Variants in ZNF804A observed in about 807,000 individuals in gnomAD.
The protein encoded by ZNF804A is zinc finger protein 804A.
A neutral mutation model predicts 16.5 loss-of-function variants in ZNF804A; 2 were observed. That is an observed-to-expected ratio of 0.12 (90% CI 0.05 to 0.38). The LOEUF is 0.38. Among genes scored for constraint, ZNF804A ranks in the 10% least tolerant of loss-of-function variants. ZNF804A has a pLI of 0.99. For missense variants in ZNF804A, 1,473 were observed against 1,390.7 expected, an observed-to-expected ratio of 1.06 and a Z score of -0.94; for synonymous variants, 534 against 489.6, an observed-to-expected ratio of 1.09 and a Z score of -1.20.
intron 1 of ZNF804A, among the ~76,000 whole-genome samples, chr2:184,774,032 G>A (rs1443558666): frequency 6.6e-6 from 1 of 151,802 alleles, no homozygotes; most frequent in Non-Finnish European, 1.5e-5. Flanking sequence ...TTAGTCTGCT[G>A]TCCTCCACAG....
intron 1 of ZNF804A, among the ~76,000 whole-genome samples, chr2:184,655,307 G>T (rs1692058250): frequency 6.6e-6 from 1 of 152,190 alleles, no homozygotes; most frequent in Admixed American, 6.5e-5. Flanking sequence ...TTGATAAACT[G>T]CAGAAGGTAT....
rs1231774388 is a variant in ZNF804A, at chr2:184,814,023, G to GT, written c.112-52346_112-52345insT. On this transcript the variant is annotated intron_variant, in intron 1 of 3. Transcript: ENST00000302277. ...TTTTTTTTTTTTTTTTTTTTTTTTG[G>GT]CTTGTCTACTACTCTGTTCCAAGCA... 1.8e-5 allele frequency among the ~76,000 whole-genome samples: 2 copies of GT among 109,280 alleles called. 1 individual carries two copies. 71.7% of individuals were successfully genotyped at this position (109,280 alleles called of 152,430 possible).
At chr2:184,820,323 A>T (rs112809133) in intron 1 of ZNF804A, among the ~76,000 whole-genome samples, 11,376 of 152,186 alleles carry the variant, frequency 0.075, 1,440 homozygotes, top group African/African-American at 0.26. Flanking sequence ...AAACCACATG[A>T]TTATCTCAAT....
intron 1 of ZNF804A, among the ~76,000 whole-genome samples, chr2:184,766,552 A>G (rs1317537906): frequency 5.3e-5 from 8 of 151,946 alleles, no homozygotes; most frequent in Non-Finnish European, 8.8e-5. Flanking sequence ...AGATTATCCA[A>G]CAAAATATCT....
intron 1 of ZNF804A, among the ~76,000 whole-genome samples, chr2:184,645,472 G>A (rs914637635): frequency 6.6e-6 from 1 of 152,104 alleles, no homozygotes; most frequent in Non-Finnish European, 1.5e-5. Context: ...ATAGTGGGAG[G>A]TGATGAACGT....
intron 1 of ZNF804A, among the ~76,000 whole-genome samples, chr2:184,743,093 AT>A (rs1281432180): frequency 2.6e-5 from 4 of 151,960 alleles, no homozygotes; most frequent in Admixed American, 2.0e-4. Context: ...TTTTTGTCTC[AT>A]TCATTAATAA....
chr2:184,935,919 G>A lies in ZNF804A; in HGVS notation c.523G>A (p.Glu175Lys). ...CAAATATACTTTGATTCATAGTGAAGAGAATACTAAAGATGCTACCACTGT... is the reference window on the plus strand; with the variant it reads ...CAAATATACTTTGATTCATAGTGAAAAGAATACTAAAGATGCTACCACTGT... ...DFKYTLIHSEENTKDATTVAE... is the reference protein window; with the variant it reads ...DFKYTLIHSEKNTKDATTVAE... The change falls in exon 4 of 4, where the codon GAG becomes AAG. Residue 175 changes from glutamate to lysine, a missense_variant. Transcript: ENST00000302277. The A allele has an allele frequency of 3.1e-6, 5 of 1,613,922 alleles. No homozygotes were observed. The highest frequency in any genetic ancestry group is 4.2e-6 in the Non-Finnish European group (5 of 1,179,910).
chr2:184,747,713 A>G (rs1323266324), intron 1 of ZNF804A, among the ~76,000 whole-genome samples: 3 of 151,130 alleles, frequency 2.0e-5, no homozygotes, highest in Non-Finnish European at 4.4e-5. Context: ...TTTTAGATAC[A>G]GGAGGTACAT....
chr2:184,846,227 G>C (rs1382504545), intron 1 of ZNF804A, among the ~76,000 whole-genome samples: 1 of 151,992 alleles, frequency 6.6e-6, no homozygotes, highest in Non-Finnish European at 1.5e-5. Context: ...TAAGGTATTT[G>C]TCTCAGTGTG....
At chr2:184,817,325 T>G (rs1694999181) in intron 1 of ZNF804A, among the ~76,000 whole-genome samples, 1 of 151,804 alleles carries the variant, frequency 6.6e-6, no homozygotes, top group Admixed American at 6.6e-5. Context: ...ATGGCCTGAC[T>G]GTTAAAATAA....
intron 2 of ZNF804A, among the ~76,000 whole-genome samples, chr2:184,911,489 T>C (rs1177222939): frequency 6.6e-6 from 1 of 152,064 alleles, no homozygotes; most frequent in African/African-American, 2.4e-5. Flanking sequence ...TAGAATAGTA[T>C]TTCTAATTTT....
chr2:184,653,211 A>G (rs1183071146), intron 1 of ZNF804A, among the ~76,000 whole-genome samples: 1 of 152,212 alleles, frequency 6.6e-6, no homozygotes, highest in Non-Finnish European at 1.5e-5. Flanking sequence ...GGGAATTCAA[A>G]CAACAACCAG....
intron 1 of ZNF804A, among the ~76,000 whole-genome samples, chr2:184,712,456 C>T (rs1693145527): frequency 6.6e-6 from 1 of 151,698 alleles, no homozygotes; most frequent in South Asian, 2.1e-4. Flanking sequence ...TCAAAATTAT[C>T]TCTTTGTCTT....
intron 2 of ZNF804A, among the ~76,000 whole-genome samples, chr2:184,925,189 GT>G (rs1685591704): frequency 6.6e-6 from 1 of 151,732 alleles, no homozygotes; most frequent in Admixed American, 6.6e-5. Context: ...TAGCTCTAAT[GT>G]TTGCTTTATA....
intron 1 of ZNF804A, among the ~76,000 whole-genome samples, chr2:184,670,780 TTGAG>T (rs1443795422): frequency 1.3e-5 from 2 of 152,144 alleles, no homozygotes; most frequent in Non-Finnish European, 2.9e-5. Context: ...TGTTTATTTA[TTGAG>T]TGTTTTTCTT....
chr2:184,612,461 G>A lies in ZNF804A; in HGVS notation c.111+13391G>A, dbSNP rs542728010. On this transcript the variant is annotated intron_variant, in intron 1 of 3. Transcript: ENST00000302277. The stretch of plus-strand genomic sequence containing the variant: ...TTTTTTTTTTTTTTGGGGGGGGGAC[G>A]GAGTCTTGCTCTTGTTGCCCAGGCT... Among the ~76,000 whole-genome samples, 28 of 149,456 alleles carry A rather than the reference G, an allele frequency of 1.9e-4. No individual in the cohort carries two copies. The East Asian group carries it at 3.3e-3, about 18-fold the overall frequency.
chr2:184,880,442 A>G (rs2105817469), intron 2 of ZNF804A, among the ~76,000 whole-genome samples: 1 of 152,082 alleles, frequency 6.6e-6, no homozygotes, highest in South Asian at 2.1e-4. Flanking sequence ...TGCTTTTTCA[A>G]GCTTCTATTG....
chr2:184,914,364 T>C (rs1685413906), intron 2 of ZNF804A, among the ~76,000 whole-genome samples: 1 of 152,158 alleles, frequency 6.6e-6, no homozygotes, highest in Non-Finnish European at 1.5e-5. Context: ...CTAATACATG[T>C]TGTAAGAGGC....
At chr2:184,736,515 C>T (rs1473873603) in intron 1 of ZNF804A, among the ~76,000 whole-genome samples, 1 of 151,948 alleles carries the variant, frequency 6.6e-6, no homozygotes, top group African/African-American at 2.4e-5. Context: ...AAACCAAATA[C>T]CACATGGGAG....
Sources: gnomAD v4.1 joint callset for allele counts (sites outside exome capture counted in the v4.1 genomes callset) on GRCh38, gnomAD v4.1.1 for gene constraint, MANE v1.5 for transcripts, NCBI Gene and HGNC (gene_info 2026-07-23, HGNC 2026-07-21) for gene names.